Variants in ATG5 observed in about 807,000 individuals in gnomAD.
The protein encoded by ATG5 is autophagy related 5, also known as autophagy protein 5.
A neutral mutation model predicts 36.5 loss-of-function variants in ATG5; 14 were observed. The observed-to-expected ratio is 0.38, with a 90% CI of 0.25 to 0.60. ATG5 has a LOEUF of 0.60. Among genes scored for constraint, ATG5 ranks in the 20% least tolerant of loss-of-function variants. ATG5 has a pLI of 0.60. For synonymous variants in ATG5, 95 were observed against 101.5 expected (o/e 0.94, Z 0.38); for missense variants, 195 against 326.7 (o/e 0.60, Z 3.11).
At chr6:106,187,251 A>C (rs1309521655) in intron 7 of ATG5, among the ~76,000 whole-genome samples, 2 of 152,208 alleles carry the variant, frequency 1.3e-5, no homozygotes, top group African/African-American at 4.8e-5. Flanking sequence ...AGAAGGGATT[A>C]CAAATCTGAC....
At chr6:106,209,897 A>G (rs570773931) in intron 6 of ATG5, among the ~76,000 whole-genome samples, 1 of 152,218 alleles carries the variant, frequency 6.6e-6, no homozygotes, top group African/African-American at 2.4e-5. Context: ...TTTGTTAATC[A>G]AAGTTTTCTC....
intron 4 of ATG5, among the ~76,000 whole-genome samples, chr6:106,292,513 T>A (rs1780349437): frequency 6.6e-6 from 1 of 152,224 alleles, no homozygotes. Context: ...ACCCTTCTCT[T>A]AATTCATTCA....
chr6:106,316,852 T>A (rs1770871655), intron 1 of ATG5, among the ~76,000 whole-genome samples: 2 of 152,182 alleles, frequency 1.3e-5, no homozygotes, highest in African/African-American at 4.8e-5. Context: ...ATTACTGTAC[T>A]TCCTTTTGTA....
At chr6:106,314,897 A>G (rs1770783472) in intron 2 of ATG5, among the ~76,000 whole-genome samples, 1 of 152,224 alleles carries the variant, frequency 6.6e-6, no homozygotes, top group Non-Finnish European at 1.5e-5. Context: ...TCACGTGTAT[A>G]TAAGCTTGAG....
At chr6:106,243,655 A>T (rs1202185930) in intron 6 of ATG5, among the ~76,000 whole-genome samples, 1 of 151,228 alleles carries the variant, frequency 6.6e-6, no homozygotes, top group Non-Finnish European at 1.5e-5. Flanking sequence ...ATATGGTGAA[A>T]CCCTGTCTCT....
Position 106,199,444 on chromosome 6 carries a change from G to A in ATG5, c.691+2528C>T, listed in dbSNP as rs116353926. On this transcript the variant is annotated intron_variant, in intron 7 of 7. Coordinates refer to ENST00000369076, the MANE Select transcript of ATG5 (RefSeq NM_004849.4). ...GCAACTCAAATACATAATGTTAAGTGGAAAAAAACAGTTGCACAAGACTAT... is the reference window on the plus strand; with the variant it reads ...GCAACTCAAATACATAATGTTAAGTAGAAAAAAACAGTTGCACAAGACTAT... Among the ~76,000 whole-genome samples the A allele has an allele frequency of 2.9e-3, 445 of 152,078 alleles. 2 individuals carry two copies. Among genetic ancestry groups the A allele is most frequent in the African/African-American group, 0.01 (416 of 41,476 alleles).
intron 6 of ATG5, among the ~76,000 whole-genome samples, chr6:106,204,778 C>T (rs191384431): frequency 1.3e-5 from 2 of 152,164 alleles, no homozygotes; most frequent in Non-Finnish European, 2.9e-5. Context: ...ACAAGCCATA[C>T]GGAACTGTGA....
chr6:106,264,029 G>T (rs1219406429), intron 5 of ATG5, among the ~76,000 whole-genome samples: 1 of 152,136 alleles, frequency 6.6e-6, no homozygotes, highest in Non-Finnish European at 1.5e-5. Context: ...CAGAAGGTGG[G>T]TAATAACAAA....
In ATG5 at chr6:106,186,787, T is replaced by C. The variant is rs978167288; in HGVS notation, c.692-111A>G. ...CATTAAATGGATTTTAAACATGTTTTGTCCCCTGAACAGGAAATGTGGACA... is the reference window on the plus strand; with the variant it reads ...CATTAAATGGATTTTAAACATGTTTCGTCCCCTGAACAGGAAATGTGGACA... On this transcript the variant is annotated intron_variant, in intron 7 of 7. Transcript: ENST00000369076. 7.1e-6 allele frequency: 9 copies of C among 1,273,394 alleles called. No homozygotes were observed. The African/African-American group carries it at 1.3e-4, about 19-fold the overall frequency. 78.9% of individuals were successfully genotyped at this position (1,273,394 alleles called of 1,614,324 possible).
At chr6:106,279,610 G>A (rs751948014) in intron 5 of ATG5, 51 bp downstream of exon 5, 2 of 1,341,990 alleles carry the variant, frequency 1.5e-6, no homozygotes, top group East Asian at 5.1e-5. Context: ...GGTTATGGCT[G>A]TATCATATTT....
chr6:106,288,704 C>A (rs540846189), intron 4 of ATG5, among the ~76,000 whole-genome samples: 2 of 152,246 alleles, frequency 1.3e-5, no homozygotes, highest in South Asian at 2.1e-4. Context: ...TGAATCCAAC[C>A]CAATGCTGCA....
intron 5 of ATG5, among the ~76,000 whole-genome samples, chr6:106,273,645 A>T (rs1421172534): frequency 6.6e-6 from 1 of 152,322 alleles, no homozygotes; most frequent in East Asian, 1.9e-4. Flanking sequence ...GAGAAAAGTG[A>T]CCTGCCATGA....
chr6:106,263,171 G>A (rs73778112), intron 5 of ATG5, among the ~76,000 whole-genome samples: 3,705 of 152,296 alleles, frequency 0.024, 65 homozygotes, highest in African/African-American at 0.049. Context: ...AGGGGCATCT[G>A]ACATTACTGA....
intron 1 of ATG5, chr6:106,325,244 T>C (rs915113895): frequency 9.2e-5 from 14 of 152,276 alleles, no homozygotes; most frequent in African/African-American, 2.4e-4. Flanking sequence ...AACTGAACTC[T>C]AGAGCCTGCG....
intron 1 of ATG5, among the ~76,000 whole-genome samples, chr6:106,323,087 T>G (rs948208542): frequency 3.3e-5 from 5 of 151,230 alleles, no homozygotes; most frequent in Non-Finnish European, 2.9e-5. Context: ...CTCGGGTTTG[T>G]TTTTTTTGTT....
intron 7 of ATG5, among the ~76,000 whole-genome samples, chr6:106,196,388 A>C (rs1036875211): frequency 6.6e-6 from 1 of 152,246 alleles, no homozygotes; most frequent in Admixed American, 6.5e-5. Flanking sequence ...AAAGACCACC[A>C]GGAGATGGAG....
chr6:106,310,480 T>C (rs1770606690), intron 2 of ATG5, among the ~76,000 whole-genome samples: 1 of 152,158 alleles, frequency 6.6e-6, no homozygotes, highest in South Asian at 2.1e-4. Context: ...TCTTCTTGTC[T>C]TTTACCTGCA....
chr6:106,287,876 G>GA (rs10715339), intron 4 of ATG5, among the ~76,000 whole-genome samples: 9 of 150,424 alleles, frequency 6.0e-5, no homozygotes, highest in East Asian at 1.9e-4. Flanking sequence ...TAGAATTAAT[G>GA]AAAAAAAATA....
intron 6 of ATG5, among the ~76,000 whole-genome samples, chr6:106,240,140 C>T (rs1384104353): frequency 6.6e-6 from 1 of 151,738 alleles, no homozygotes. Context: ...GAGATGTGTG[C>T]CACTACGCCT....
Sources: gnomAD v4.1 joint callset for allele counts (sites outside exome capture counted in the v4.1 genomes callset) on GRCh38, gnomAD v4.1.1 for gene constraint, MANE v1.5 for transcripts, NCBI Gene and HGNC (gene_info 2026-07-23, HGNC 2026-07-21) for gene names.